The following KNG1 variants were observed in gnomAD, a reference collection of about 807,000 sequenced individuals.
KNG1 encodes the protein kininogen 1.
KNG1 carries 23 observed loss-of-function variants against 47.8 expected under a neutral mutation model. The ratio of observed to expected loss-of-function variants is 0.48; its 90% CI spans 0.35 to 0.68. The LOEUF is 0.68. Ranked by LOEUF, KNG1 falls within the 30% of genes least tolerant of loss-of-function variation. The pLI, the probability that KNG1 is intolerant of heterozygous loss-of-function variation, is 0.01. For synonymous variants in KNG1, 277 were observed against 277.0 expected, an observed-to-expected ratio of 1.00 and a Z score of 0.00; for missense variants, 762 against 790.2, an observed-to-expected ratio of 0.96 and a Z score of 0.43.
At chr3:186,722,890 C>G (rs113176697) in intron 3 of KNG1, among the ~76,000 whole-genome samples, 6 of 152,306 alleles carry the variant, frequency 3.9e-5, no homozygotes, top group African/African-American at 1.4e-4. Context: ...GCCTTCTTGC[C>G]TCTCCTTTTC....
chr3:186,725,063 GT>G (rs1720316131), intron 3 of KNG1, 24 bp from the exon 4 acceptor site: 1 of 1,613,188 alleles, frequency 6.2e-7, no homozygotes, highest in South Asian at 1.1e-5. Flanking sequence ...CATTAATGCT[GT>G]GTTTTTGTCT....
rs577299618 is a variant in KNG1 at position 186,732,111 on chromosome 3, G to A, written c.758-391G>A. 3.1e-4 allele frequency among the ~76,000 whole-genome samples: 47 copies of A among 152,276 alleles called. 1 individual carries two copies. The highest frequency in any genetic ancestry group is 1.2e-3 in the South Asian group (6 of 4,826). ...TGTGCTTTTCTCATAGTTGGAAAAC[G>A]TTTGTATGCGTTCCATGAGTAGTCT... On this transcript the variant is annotated intron_variant, in intron 6 of 9. Transcript: ENST00000644859.
At chr3:186,737,918 A>G (rs1720708240) in intron 7 of KNG1, among the ~76,000 whole-genome samples, 1 of 152,006 alleles carries the variant, frequency 6.6e-6, no homozygotes, top group Non-Finnish European at 1.5e-5. Flanking sequence ...TTGGGCCACA[A>G]AATATTTAAT....
rs56170982 is a variant in KNG1, at chr3:186,722,117, C to CAA, written c.307-297_307-296dup. 333 of 142,976 alleles carry CAA rather than the reference C, an allele frequency of 2.3e-3. 1 individual carries two copies. The highest frequency in any genetic ancestry group is 5.1e-3 in the African/African-American group (137 of 26,654). 8.9% of individuals were successfully genotyped at this position (142,976 alleles called of 1,614,324 possible). A position where few individuals can be genotyped will look rare whatever the true frequency, so the allele number is the denominator to read the frequency against. On this transcript the variant is annotated intron_variant, in intron 2 of 9. Coordinates refer to ENST00000644859, the MANE Select transcript of KNG1 (RefSeq NM_001102416.3). Reference sequence around the variant, plus strand: ...GGGTAACAAAAGCAACACTCTGTCTCAAAAAAAAAAAAAAAAAAAAAAAAT... The same window carrying CAA: ...GGGTAACAAAAGCAACACTCTGTCTCAAAAAAAAAAAAAAAAAAAAAAAAAAT...
At chr3:186,727,940 T>C (rs998665693) in intron 5 of KNG1, among the ~76,000 whole-genome samples, 3 of 152,160 alleles carry the variant, frequency 2.0e-5, no homozygotes, top group African/African-American at 4.8e-5. Flanking sequence ...GTCAACTGTA[T>C]CTTTGTTATG....
At chr3:186,717,961 C>G (rs1720047844) in intron 1 of KNG1, 1 of 475,508 alleles carries the variant, frequency 2.1e-6, no homozygotes, top group Non-Finnish European at 3.8e-6. Flanking sequence ...CATCACCCAC[C>G]ACCCACCACC....
intron 5 of KNG1, among the ~76,000 whole-genome samples, chr3:186,730,659 A>C (rs1720489862): frequency 1.2e-5 from 1 of 82,714 alleles, no homozygotes; most frequent in African/African-American, 5.0e-5. Flanking sequence ...CCATCACAAA[A>C]AAAAAAAAAA....
chr3:186,737,259 G>T (rs752022891), intron 7 of KNG1, among the ~76,000 whole-genome samples: 2 of 151,836 alleles, frequency 1.3e-5, no homozygotes, highest in Non-Finnish European at 2.9e-5. Context: ...TTTTTTTTAG[G>T]CTTAATGACC....
chr3:186,737,746 C>T (rs1335280040), intron 7 of KNG1, among the ~76,000 whole-genome samples: 2 of 151,810 alleles, frequency 1.3e-5, no homozygotes, highest in African/African-American at 4.8e-5. Context: ...TTAATAGAGA[C>T]AGGGATTCAT....
intron 3 of KNG1, among the ~76,000 whole-genome samples, chr3:186,723,741 C>T (rs1038291976): frequency 7.4e-5 from 11 of 148,220 alleles, no homozygotes; most frequent in Non-Finnish European, 1.0e-4. Context: ...TGCAACCTCC[C>T]GGGTTCAAGC....
At chr3:186,725,330 T>G in intron 4 of KNG1, 70 bp downstream of exon 4, 1 of 1,430,142 alleles carries the variant, frequency 7.0e-7, no homozygotes, top group Non-Finnish European at 9.9e-7. Context: ...TTAAAATGTA[T>G]GATTGCATGG....
intron 5 of KNG1, 38 bp downstream of exon 5, chr3:186,727,382 T>G: frequency 7.5e-7 from 1 of 1,325,476 alleles, no homozygotes; most frequent in Non-Finnish European, 1.1e-6. Context: ...GTTCTTAGCA[T>G]TTTGTTTACA....
At chr3:186,725,584 G>A (rs1257466692) in intron 4 of KNG1, among the ~76,000 whole-genome samples, 9 of 101,156 alleles carry the variant, frequency 8.9e-5, no homozygotes, top group Non-Finnish European at 1.7e-4. Context: ...TCTCTCTGTC[G>A]CCCAGGCTGG....
intron 7 of KNG1, among the ~76,000 whole-genome samples, chr3:186,737,935 T>C (rs558036398): frequency 3.6e-4 from 54 of 152,072 alleles, no homozygotes; most frequent in African/African-American, 1.3e-3. Context: ...TAATGGAAGA[T>C]AGTGTTGAGT....
At chr3:186,725,010 CTCT>C (rs1232825769) in intron 3 of KNG1, 75 bp from the exon 4 acceptor site, 4 of 1,515,236 alleles carry the variant, frequency 2.6e-6, no homozygotes, top group East Asian at 4.6e-5. Context: ...CACGCCCAGC[CTCT>C]TCTTTGTTTA....
At chr3:186,741,184 G>A (rs1156892409) in intron 9 of KNG1, among the ~76,000 whole-genome samples, 1 of 151,982 alleles carries the variant, frequency 6.6e-6, no homozygotes, top group Non-Finnish European at 1.5e-5. Context: ...AGTAGAGATG[G>A]GGTTTCAGCA....
chr3:186,720,103 AG>A lies in KNG1; in HGVS notation c.196del. ...CCCTAAGTATCTTTGGCTGCTTTTCAGGTTGGCTCTGACACGTTTTATTCCT... is the reference window on the plus strand; with the variant it reads ...CCCTAAGTATCTTTGGCTGCTTTTCAGTTGGCTCTGACACGTTTTATTCCT... On this transcript the variant is annotated splice_acceptor_variant, in intron 1 of 9. Coordinates refer to ENST00000644859, the MANE Select transcript of KNG1 (RefSeq NM_001102416.3). LOFTEE classifies it high-confidence loss of function. 5 of 1,604,334 alleles carry A rather than the reference AG, an allele frequency of 3.1e-6. No homozygotes were observed. Among genetic ancestry groups the A allele is most frequent in the Non-Finnish European group, 4.3e-6 (5 of 1,171,058 alleles).
rs1720886311 is a variant in KNG1, at chr3:186,744,324, T to TA, written c.*1994dup. ...CTACCAACTTCTCACTATCAGAAAA[T>TA]ACTCAACCTCCAAACAATTTGAAAT... On this transcript the variant is annotated 3_prime_UTR_variant, in exon 10 of 10. Transcript: ENST00000644859. The TA allele has an allele frequency of 6.5e-6, 1 of 154,244 alleles. No individual in the cohort carries two copies. Among genetic ancestry groups the TA allele is most frequent in the African/African-American group, 2.4e-5 (1 of 41,476 alleles). 9.6% of individuals were successfully genotyped at this position (154,244 alleles called of 1,614,324 possible).
In KNG1 at chr3:186,736,611, C is replaced by T. The variant is rs574723201; in HGVS notation, c.931-2488C>T. ...GCTGAGATGAATAAACTTCCAAGAT[C>T]TGTGTGTGCACATGCAGAAATTTTT... On this transcript the variant is annotated intron_variant, in intron 7 of 9. Transcript: ENST00000644859. 7.9e-5 allele frequency: 12 copies of T among 152,380 alleles called. No homozygotes were observed. The South Asian group carries it at 2.5e-3, about 32-fold the overall frequency. 9.4% of individuals were successfully genotyped at this position (152,380 alleles called of 1,614,324 possible).
Sources: allele counts gnomAD v4.1 joint callset (sites outside exome capture counted in the v4.1 genomes callset), GRCh38; gene constraint gnomAD v4.1.1; transcripts MANE v1.5; gene names NCBI Gene and HGNC (gene_info 2026-07-23, HGNC 2026-07-21).